ZNF154: variants seen among roughly 807,000 people sequenced by gnomAD.
ZNF154 encodes zinc finger protein 154, also known as zinc finger protein 154 (pHZ-92).
A neutral mutation model predicts 7.5 loss-of-function variants in ZNF154; 6 were observed. That is an observed-to-expected ratio of 0.80 (90% CI 0.44 to 1.57). ZNF154 has a LOEUF of 1.57. Among genes scored for constraint, ZNF154 ranks in the 40% most tolerant of loss-of-function variants. ZNF154 has a pLI of 0.01. For missense variants in ZNF154, 485 were observed against 531.4 expected (o/e 0.91, Z 0.86); for synonymous variants, 187 against 185.9 (o/e 1.01, Z -0.05).
chr19:57,701,329 A>T lies in ZNF154; in HGVS notation c.*306T>A. The T allele has an allele frequency of 2.9e-6, 1 of 347,500 alleles. No homozygotes were observed. Among genetic ancestry groups the T allele is most frequent in the Non-Finnish European group, 5.3e-6 (1 of 188,772 alleles). 21.5% of individuals were successfully genotyped at this position (347,500 alleles called of 1,614,324 possible). A position where few individuals can be genotyped will look rare whatever the true frequency, so the allele number is the denominator to read the frequency against. ...GGCTTCCACTATAGTATCAGCAGAG[A>T]CATAAATCTGACATGGGCCCTGGGC... On this transcript the variant is annotated 3_prime_UTR_variant, in exon 3 of 3. Coordinates refer to ENST00000684351, the MANE Select transcript of ZNF154 (RefSeq NM_001085384.3).
At chr19:57,705,719 A>C (rs1334325946) in intron 1 of ZNF154, among the ~76,000 whole-genome samples, 1 of 149,912 alleles carries the variant, frequency 6.7e-6, no homozygotes, top group Non-Finnish European at 1.5e-5. Flanking sequence ...GCGAAACTGC[A>C]CTCCAGTCTG....
chr19:57,701,381 A>T lies in ZNF154; in HGVS notation c.*254T>A. Reference sequence around the variant, plus strand: ...GGGCAAAAGGTGCAATGCAGTTCACACATACCTGGAATTTATGCAGATGTT... The same window carrying T: ...GGGCAAAAGGTGCAATGCAGTTCACTCATACCTGGAATTTATGCAGATGTT... On this transcript the variant is annotated 3_prime_UTR_variant, in exon 3 of 3. Coordinates refer to ENST00000684351, the MANE Select transcript of ZNF154 (RefSeq NM_001085384.3). 1 of 492,792 alleles carries T rather than the reference A, an allele frequency of 2.0e-6. No individual in the cohort carries two copies. Among genetic ancestry groups the T allele is most frequent in the Non-Finnish European group, 3.7e-6 (1 of 273,608 alleles). The allele number at this position is 492,792 out of a possible 1,614,324, so 30.5% of individuals were successfully genotyped here. A position where few individuals can be genotyped will look rare whatever the true frequency, so the allele number is the denominator to read the frequency against.
rs757015431 is a variant in ZNF154 at position 57,705,610 on chromosome 19, C to T, written c.34-631G>A. Among the ~76,000 whole-genome samples the T allele has an allele frequency of 9.2e-5, 14 of 152,034 alleles. No homozygotes were observed. The East Asian group carries it at 1.9e-3, about 21-fold the overall frequency. ...CTCTACTAAAAATACAAAAATTAGC[C>T]GGGCGTGGTGAAGCACACCTGTAAT... On this transcript the variant is annotated intron_variant, in intron 1 of 2. Transcript: ENST00000684351.
At chr19:57,703,621 T>C (rs111847500) in intron 2 of ZNF154, among the ~76,000 whole-genome samples, 2,241 of 152,188 alleles carry the variant, frequency 0.015, 53 homozygotes, top group African/African-American at 0.05. Context: ...AGCAGAAGCT[T>C]ATCTGCTGGC....
intron 1 of ZNF154, among the ~76,000 whole-genome samples, chr19:57,705,384 CTT>C (rs920850580): frequency 4.6e-5 from 7 of 152,192 alleles, no homozygotes; most frequent in African/African-American, 1.7e-4. Context: ...ATCTCTTCCT[CTT>C]TACCCCATTA....
Position 57,696,892 on chromosome 19 carries a change from T to C in ZNF154, c.*4743A>G, listed in dbSNP as rs1984916821. Among the ~76,000 whole-genome samples the C allele has an allele frequency of 6.6e-6, 1 of 152,176 alleles. No individual in the cohort carries two copies. Among genetic ancestry groups the C allele is most frequent in the African/African-American group, 2.4e-5 (1 of 41,458 alleles). On this transcript the variant is annotated 3_prime_UTR_variant, in exon 3 of 3. Transcript: ENST00000684351. ...GGAAGCTCGCACTGTCCTGTCCCGA[T>C]GTATCATCCAGCAGCCCCAAGGCAG... is the stretch of plus-strand genomic sequence containing the variant.
At chr19:57,703,484 C>CAAAAAAAAAAAA (rs3062223) in intron 2 of ZNF154, among the ~76,000 whole-genome samples, 1 of 75,134 alleles carries the variant, frequency 1.3e-5, no homozygotes, top group Non-Finnish European at 2.3e-5. Context: ...GACTCCGTCT[C>CAAAAAAAAAAAA]AAAAAAAAAA....
rs996627771 is a variant in ZNF154, at chr19:57,698,000, T to G, written c.*3635A>C. 5.9e-5 allele frequency: 9 copies of G among 152,120 alleles called. No individual in the cohort carries two copies. The highest frequency in any genetic ancestry group is 2.1e-4 in the South Asian group (1 of 4,836). 9.4% of individuals were successfully genotyped at this position (152,120 alleles called of 1,614,324 possible). A position where few individuals can be genotyped will look rare whatever the true frequency, so the allele number is the denominator to read the frequency against. Reference sequence around the variant, plus strand: ...AATATGCATTTTAAATATAAGCACTTTAAGTTCCATTATACCTCAAACTAC... The same window carrying G: ...AATATGCATTTTAAATATAAGCACTGTAAGTTCCATTATACCTCAAACTAC... On this transcript the variant is annotated 3_prime_UTR_variant, in exon 3 of 3. Transcript: ENST00000684351.
intron 1 of ZNF154, among the ~76,000 whole-genome samples, chr19:57,705,888 CTG>C (rs996740334): frequency 2.0e-5 from 3 of 152,018 alleles, no homozygotes; most frequent in African/African-American, 7.2e-5. Context: ...TAACCAAAAA[CTG>C]TGGGATGCAA....
At position 57,708,931 on chromosome 19, in the gene ZNF154, G is replaced by C. The variant is rs750443557; in HGVS notation, c.33+8C>G. 1.4e-5 allele frequency: 22 copies of C among 1,560,246 alleles called. No homozygotes were observed. Among genetic ancestry groups the C allele is most frequent in the South Asian group, 5.9e-5 (5 of 84,458 alleles). ...AGGTGTGTGAGGACGGGAAGACGCC[G>C]CACTCACCTGAGTTGGCGTCCTCAG... On this transcript the variant is annotated splice_region_variant and intron_variant, in intron 1 of 2. Coordinates refer to ENST00000684351, the MANE Select transcript of ZNF154 (RefSeq NM_001085384.3).
Position 57,702,534 on chromosome 19 carries a change from T to C in ZNF154, c.415A>G (p.Thr139Ala), listed in dbSNP as rs997383560. ...GKTHYNCGEH[T>A]KAFSGKHTLV... is the part of the protein sequence containing the mutation. The stretch of plus-strand genomic sequence containing the variant: ...GTGTGTTTACCGCTGAATGCTTTTG[T>C]GTGTTCTCCACAGTTGTAATGAGTT... The change falls in exon 3 of 3, where the codon ACA (threonine) becomes GCA (alanine). Residue 139 changes from threonine (T) to alanine (A), a missense_variant. Physicochemically the swap from Thr to Ala is moderately conservative, Grantham distance 58 (BLOSUM62 0). Coordinates refer to ENST00000684351, the MANE Select transcript of ZNF154 (RefSeq NM_001085384.3). The C allele has an allele frequency of 6.2e-7, 1 of 1,614,020 alleles. No individual in the cohort carries two copies. Among genetic ancestry groups the C allele is most frequent in the Admixed American group, 1.7e-5 (1 of 60,004 alleles).
intron 2 of ZNF154, among the ~76,000 whole-genome samples, chr19:57,704,283 C>T (rs986457965): frequency 4.6e-5 from 7 of 152,150 alleles, no homozygotes; most frequent in African/African-American, 1.2e-4. Flanking sequence ...TGCTCTGATA[C>T]AGCATCTGGA....
Position 57,699,439 on chromosome 19 carries a change from C to T in ZNF154, c.*2196G>A, listed in dbSNP as rs1490716601. The T allele has an allele frequency of 3.3e-5, 11 of 331,522 alleles. No individual in the cohort carries two copies. The highest frequency in any genetic ancestry group is 5.6e-5 in the Non-Finnish European group (9 of 161,922). The allele number at this position is 331,522 out of a possible 1,614,324, so 20.5% of individuals were successfully genotyped here. ...GTCGTAAAGCAGCAGAGACAACTCA[C>T]GATATAAACACATTTGGCCCAGGAA... On this transcript the variant is annotated 3_prime_UTR_variant, in exon 3 of 3. Transcript: ENST00000684351.
chr19:57,703,598 T>C (rs567506901), intron 2 of ZNF154, among the ~76,000 whole-genome samples: 22 of 151,978 alleles, frequency 1.4e-4, no homozygotes, highest in Non-Finnish European at 2.9e-4. Flanking sequence ...CTAAATCCTC[T>C]GCAAACAACT....
chr19:57,709,037 G>A lies in ZNF154; in HGVS notation c.-66C>T. On this transcript the variant is annotated 5_prime_UTR_variant, in exon 1 of 3. Coordinates refer to ENST00000684351, the MANE Select transcript of ZNF154 (RefSeq NM_001085384.3). ...CATTGGTAGGGACCCGGGGACAGCG[G>A]TCCCTATCCCAGGCCTGACGTGGGT... is the stretch of plus-strand genomic sequence containing the variant. The A allele has an allele frequency of 1.9e-6, 3 of 1,546,904 alleles. No homozygotes were observed. The highest frequency in any genetic ancestry group is 2.6e-6 in the Non-Finnish European group (3 of 1,144,534).
rs1175105242 is a variant in ZNF154 at position 57,702,316 on chromosome 19, G to A, written c.633C>T (p.His211=). The change falls in exon 3 of 3, where the codon CAC becomes CAT. Residue 211 remains histidine (H), a synonymous_variant. Coordinates refer to ENST00000684351, the MANE Select transcript of ZNF154 (RefSeq NM_001085384.3). ...SSSLIQHRRV[H]TAVRPHECDE... ...CACATTCATGAGGTCGTACTGCAGT[G>A]TGAACTCTCCGGTGCTGAATGAGAC... 14 of 1,612,892 alleles carry A rather than the reference G, an allele frequency of 8.7e-6. No individual in the cohort carries two copies. Among genetic ancestry groups the A allele is most frequent in the Non-Finnish European group, 1.2e-5 (14 of 1,178,956 alleles).
chr19:57,701,705 C>G lies in ZNF154; in HGVS notation c.1244G>C (p.Cys415Ser), dbSNP rs762593561. The change falls in exon 3 of 3, where the codon TGC becomes TCC. Residue 415 changes from cysteine to serine, a missense_variant. Transcript: ENST00000684351. Reference sequence around the variant, plus strand: ...GCTAAAGGATTTCCCACATTCCGTGCACTCATAAGGCTTCTCCCCAGTGTG... The same window carrying G: ...GCTAAAGGATTTCCCACATTCCGTGGACTCATAAGGCTTCTCCCCAGTGTG... The part of the protein sequence containing the change: ...RVHTGEKPYE[C>S]TECGKSFSHN... 6.2e-7 allele frequency: 1 copy of G among 1,614,176 alleles called. No homozygotes were observed. The highest frequency in any genetic ancestry group is 8.5e-7 in the Non-Finnish European group (1 of 1,179,996).
chr19:57,708,402 T>TA (rs1317826895), intron 1 of ZNF154, among the ~76,000 whole-genome samples: 2 of 152,010 alleles, frequency 1.3e-5, no homozygotes, highest in Non-Finnish European at 2.9e-5. Flanking sequence ...CCGTCTCTAC[T>TA]AAAAATACAA....
At position 57,702,655 on chromosome 19, in the gene ZNF154, G is replaced by A. The variant is rs1985226109; in HGVS notation, c.294C>T (p.Phe98=). The A allele has an allele frequency of 3.1e-6, 5 of 1,614,062 alleles. No homozygotes were observed. The East Asian group carries it at 1.1e-4, about 36-fold the overall frequency. The change falls in exon 3 of 3, where the codon TTC becomes TTT. Residue 98 remains phenylalanine (F), a synonymous_variant. Transcript: ENST00000684351. The part of the protein sequence containing the change: ...PSTCREVGKD[F]LAKLGFLHQQ... The stretch of plus-strand genomic sequence containing the variant: ...GATGGAGAAATCCCAACTTGGCCAG[G>A]AAGTCCTTCCCAACTTCTCTGCAGG...
Sources: allele counts gnomAD v4.1 joint callset (sites outside exome capture counted in the v4.1 genomes callset), GRCh38; gene constraint gnomAD v4.1.1; transcripts MANE v1.5; gene names NCBI Gene and HGNC (gene_info 2026-07-23, HGNC 2026-07-21).